Variants in B4GALNT3 observed in about 807,000 individuals in gnomAD.
B4GALNT3 encodes the protein beta-1,4-N-acetylgalactosaminyltransferase 3.
Under a neutral mutation model 120.2 loss-of-function variants are expected in B4GALNT3, and 86 were observed. The observed-to-expected ratio is 0.72, with a 90% confidence interval of 0.60 to 0.86. B4GALNT3 has a LOEUF of 0.86. B4GALNT3 is among the 40% of genes least tolerant of loss of function. The pLI is 0.00. For missense variants in B4GALNT3, 1,167 were observed against 1,298.9 expected (o/e 0.90, Z 1.56); for synonymous variants, 518 against 510.4 (o/e 1.01, Z -0.20).
chr12:533,663 G>A (rs1353397581), intron 1 of B4GALNT3, among the ~76,000 whole-genome samples: 3 of 152,034 alleles, frequency 2.0e-5, no homozygotes, highest in South Asian at 2.1e-4. Flanking sequence ...CTTCAGACTC[G>A]GAGCGCTCTT....
intron 11 of B4GALNT3, among the ~76,000 whole-genome samples, chr12:551,376 G>C (rs1259785694): frequency 6.6e-6 from 1 of 152,240 alleles, no homozygotes; most frequent in Non-Finnish European, 1.5e-5. Flanking sequence ...AGTCCCGCCA[G>C]CTAGTGAGCC....
At chr12:511,472 T>TCTTCCACCTTCCAC (rs1555154927) in intron 1 of B4GALNT3, among the ~76,000 whole-genome samples, 2 of 27,042 alleles carry the variant, frequency 7.4e-5, no homozygotes, top group Non-Finnish European at 1.2e-4. Flanking sequence ...CCTTCCACCT[T>TCTTCCACCTTCCAC]CTTCCACCTT....
Position 544,868 on chromosome 12 carries a change from C to T in B4GALNT3, c.448-14C>T. 6.2e-7 allele frequency: 1 copy of T among 1,613,160 alleles called. No individual in the cohort carries two copies. Among genetic ancestry groups the T allele is most frequent in the Non-Finnish European group, 8.5e-7 (1 of 1,179,292 alleles). Reference sequence around the variant, plus strand: ...TCTTCTGGGTAACTGTTTCCTTCCCCTTTCTTGGCATAGATTCGCACAACC... The same window carrying T: ...TCTTCTGGGTAACTGTTTCCTTCCCTTTTCTTGGCATAGATTCGCACAACC... On this transcript the variant is annotated splice_polypyrimidine_tract_variant and intron_variant, in intron 4 of 19. Coordinates refer to ENST00000266383, the MANE Select transcript of B4GALNT3 (RefSeq NM_173593.4).
chr12:509,186 C>T (rs1372327127), intron 1 of B4GALNT3, among the ~76,000 whole-genome samples: 1 of 152,238 alleles, frequency 6.6e-6, no homozygotes, highest in Non-Finnish European at 1.5e-5. Flanking sequence ...TAACCTACTG[C>T]TGTACCTTCG....
At chr12:469,235 T>C (rs1008382462) in intron 1 of B4GALNT3, among the ~76,000 whole-genome samples, 1 of 152,198 alleles carries the variant, frequency 6.6e-6, no homozygotes, top group Non-Finnish European at 1.5e-5. Context: ...AAGGTACTTA[T>C]TCCTTTGTAA....
chr12:511,877 TCCA>T (rs1946573618), intron 1 of B4GALNT3, among the ~76,000 whole-genome samples: 1 of 37,434 alleles, frequency 2.7e-5, no homozygotes, highest in Admixed American at 2.4e-4. Context: ...CCTTCCACCT[TCCA>T]CCTTCTTCCA....
At chr12:508,326 C>T (rs192139283) in intron 1 of B4GALNT3, among the ~76,000 whole-genome samples, 173 of 152,318 alleles carry the variant, frequency 1.1e-3, no homozygotes, top group African/African-American at 4.0e-3. Context: ...GCCACCCAAG[C>T]TGGAGTTCAG....
In B4GALNT3 at chr12:497,301, G is replaced by A. The variant is rs139758726; in HGVS notation, c.169+36756G>A. ...CCTGAGTAGCTGGGATTACAGGCAC[G>A]TGCCACCATGCCTGGTTAATTTTGT... On this transcript the variant is annotated intron_variant, in intron 1 of 19. Coordinates refer to ENST00000266383, the MANE Select transcript of B4GALNT3 (RefSeq NM_173593.4). Among the ~76,000 whole-genome samples the A allele has an allele frequency of 5.5e-3, 833 of 152,168 alleles. 1 individual carries two copies. Among genetic ancestry groups the A allele is most frequent in the Middle Eastern group, 0.017 (5 of 294 alleles).
At chr12:522,940 TTAA>T (rs371597029) in intron 1 of B4GALNT3, among the ~76,000 whole-genome samples, 5,270 of 76,952 alleles carry the variant, frequency 0.068, 506 homozygotes, top group African/African-American at 0.21. Context: ...GAGACTCTGT[TTAA>T]AAAAAAAAAA....
intron 5 of B4GALNT3, 98 bp from the exon 6 acceptor site, chr12:545,271 A>G: frequency 6.6e-7 from 1 of 1,505,404 alleles, no homozygotes. Flanking sequence ...AGCATCAAGC[A>G]CTGAAGGGAA....
intron 1 of B4GALNT3, among the ~76,000 whole-genome samples, chr12:532,819 A>G (rs1194566636): frequency 1.3e-5 from 2 of 152,176 alleles, no homozygotes; most frequent in East Asian, 3.8e-4. Context: ...ATGCCAGGAC[A>G]AGGGCAGCTG....
chr12:553,111 G>A (rs538143263), intron 13 of B4GALNT3, 83 bp from the exon 14 acceptor site: 126 of 1,551,920 alleles, frequency 8.1e-5, no homozygotes, highest in Admixed American at 8.0e-4. Context: ...TGCGTCACAC[G>A]TATGATCATC....
At chr12:543,224 G>A (rs1256608903) in intron 3 of B4GALNT3, 5 of 1,283,774 alleles carry the variant, frequency 3.9e-6, no homozygotes, top group Admixed American at 4.6e-5. Flanking sequence ...AAGAAGTGCT[G>A]GGTGCTGGGC....
At position 556,402 on chromosome 12, in the gene B4GALNT3, G is replaced by C. The variant is rs150603942; in HGVS notation, c.2061-145G>C. On this transcript the variant is annotated intron_variant, in intron 14 of 19. Transcript: ENST00000266383. ...GAACCCTAGAGAGATTGCGAATCTT[G>C]CCTGAGGCCCTATAGCCAGCCAGTG... The C allele has an allele frequency of 1.0e-3, 734 of 719,218 alleles. 5 individuals are homozygous for C. In the African/African-American group the frequency reaches 0.012, roughly 12 times the overall value. 44.6% of individuals were successfully genotyped at this position (719,218 alleles called of 1,614,324 possible).
intron 1 of B4GALNT3, among the ~76,000 whole-genome samples, chr12:498,390 G>A (rs919611047): frequency 6.6e-6 from 1 of 152,114 alleles, no homozygotes; most frequent in African/African-American, 2.4e-5. Flanking sequence ...GCTGGCTTTG[G>A]ATGCTCCAAA....
chr12:467,517 C>T (rs1197032816), intron 1 of B4GALNT3, among the ~76,000 whole-genome samples: 1 of 152,102 alleles, frequency 6.6e-6, no homozygotes, highest in African/African-American at 2.4e-5. Context: ...CAAGATGGCG[C>T]CACTGCACTC....
At chr12:547,474 AC>A in intron 7 of B4GALNT3, among the ~76,000 whole-genome samples, 1 of 152,280 alleles carries the variant, frequency 6.6e-6, no homozygotes, top group Admixed American at 6.5e-5. Flanking sequence ...CACAAGGGTT[AC>A]GTATCAATAA....
intron 1 of B4GALNT3, among the ~76,000 whole-genome samples, chr12:530,659 T>C (rs1946797667): frequency 6.6e-6 from 1 of 152,224 alleles, no homozygotes; most frequent in Non-Finnish European, 1.5e-5. Flanking sequence ...TGTTTCTGTT[T>C]CTTCATCTCT....
At chr12:521,468 C>T (rs548277138) in intron 1 of B4GALNT3, among the ~76,000 whole-genome samples, 1 of 152,268 alleles carries the variant, frequency 6.6e-6, no homozygotes, top group African/African-American at 2.4e-5. Context: ...ATTCTGTGAG[C>T]TACTCTGTGG....
Sources: allele counts gnomAD v4.1 joint callset (sites outside exome capture counted in the v4.1 genomes callset), GRCh38; gene constraint gnomAD v4.1.1; transcripts MANE v1.5; gene names NCBI Gene and HGNC (gene_info 2026-07-23, HGNC 2026-07-21).